INSYN2A: variants seen among roughly 807,000 people sequenced by gnomAD.
INSYN2A encodes family with sequence similarity 196 member A.
INSYN2A carries 17 observed loss-of-function variants against 39.4 expected under a neutral mutation model. The ratio of observed to expected loss-of-function variants is 0.43; its 90% CI spans 0.30 to 0.65. INSYN2A has a LOEUF of 0.65. INSYN2A is among the 30% of genes least tolerant of loss of function. INSYN2A has a pLI of 0.14. For synonymous variants in INSYN2A, 255 were observed against 265.7 expected (o/e 0.96, Z 0.39); for missense variants, 595 against 631.2 (o/e 0.94, Z 0.61).
At chr10:127,174,038 C>T (rs7898602) in intron 4 of INSYN2A, among the ~76,000 whole-genome samples, 11,707 of 152,242 alleles carry the variant, frequency 0.077, 1,269 homozygotes, top group African/African-American at 0.24. Flanking sequence ...CACCTTAAGG[C>T]AGGAGGTGTT....
intron 4 of INSYN2A, among the ~76,000 whole-genome samples, chr10:127,173,318 G>A (rs2054756659): frequency 6.6e-6 from 1 of 152,134 alleles, no homozygotes. Context: ...CCTTGCCCAA[G>A]CCCTCAGTGC....
intron 1 of INSYN2A, among the ~76,000 whole-genome samples, chr10:127,194,879 T>G (rs1182653916): frequency 6.8e-6 from 1 of 147,318 alleles, no homozygotes; most frequent in African/African-American, 2.5e-5. Context: ...TTTCAGCGCC[T>G]AAGCAGACAA....
intron 4 of INSYN2A, among the ~76,000 whole-genome samples, chr10:127,172,756 A>G (rs1240804287): frequency 6.6e-6 from 1 of 152,072 alleles, no homozygotes; most frequent in East Asian, 1.9e-4. Flanking sequence ...GATTGATTTT[A>G]AAGTAAAACC....
chr10:127,164,115 C>T (rs1261584454), intron 4 of INSYN2A, among the ~76,000 whole-genome samples: 10 of 148,802 alleles, frequency 6.7e-5, no homozygotes, highest in Non-Finnish European at 7.4e-5. Flanking sequence ...GCTCCCTCTC[C>T]TCTCTTTCTC....
Position 127,176,400 on chromosome 10 carries a change from C to G in INSYN2A, c.-5G>C. The G allele has an allele frequency of 6.3e-7, 1 of 1,592,640 alleles. No homozygotes were observed. Among genetic ancestry groups the G allele is most frequent in the Non-Finnish European group, 8.5e-7 (1 of 1,170,068 alleles). The stretch of plus-strand genomic sequence containing the variant: ...GCCGGTGTCCTTACTGACCATGGTT[C>G]CTGCATTCAGAAACAGCAACAGAGG... On this transcript the variant is annotated splice_region_variant and 5_prime_UTR_variant, in exon 4 of 6. Coordinates refer to ENST00000522781, the MANE Select transcript of INSYN2A (RefSeq NM_001039762.3). The surrounding 1 kb of genome is among the most constrained non-coding windows in gnomAD (Gnocchi z 4.4).
intron 5 of INSYN2A, among the ~76,000 whole-genome samples, chr10:127,140,981 T>G (rs1244374520): frequency 6.6e-6 from 1 of 152,188 alleles, no homozygotes; most frequent in Admixed American, 6.5e-5. Flanking sequence ...TTCCCCTTCC[T>G]GCTGCCCGGC....
intron 4 of INSYN2A, among the ~76,000 whole-genome samples, chr10:127,173,457 C>T (rs190692323): frequency 7.9e-5 from 12 of 152,272 alleles, no homozygotes; most frequent in African/African-American, 9.6e-5. Flanking sequence ...TGTAAGAAGG[C>T]GCTCCCATAT....
chr10:127,147,288 G>A (rs905566820), intron 5 of INSYN2A, among the ~76,000 whole-genome samples: 2 of 152,132 alleles, frequency 1.3e-5, no homozygotes, highest in African/African-American at 4.8e-5. Context: ...ATCCTTGGGG[G>A]TGCCCTGGCT....
At chr10:127,138,468 A>G (rs773426343) in intron 5 of INSYN2A, among the ~76,000 whole-genome samples, 8 of 152,118 alleles carry the variant, frequency 5.3e-5, no homozygotes, top group Non-Finnish European at 1.2e-4. Flanking sequence ...AGAGAAATCT[A>G]TTTCTCTGAT....
At chr10:127,195,339 G>C (rs1037699218) in intron 1 of INSYN2A, among the ~76,000 whole-genome samples, 1 of 152,294 alleles carries the variant, frequency 6.6e-6, no homozygotes, top group East Asian at 1.9e-4. Flanking sequence ...TCCCACGCCT[G>C]TCCCGGTCTG....
intron 5 of INSYN2A, among the ~76,000 whole-genome samples, chr10:127,142,185 A>C (rs993144007): frequency 6.6e-6 from 1 of 152,202 alleles, no homozygotes; most frequent in Non-Finnish European, 1.5e-5. Context: ...AGGCCACCAG[A>C]CGTGCTGTGT....
intron 1 of INSYN2A, 136 bp downstream of exon 1, chr10:127,195,861 G>C (rs2057094279): frequency 6.6e-6 from 1 of 152,306 alleles, no homozygotes; most frequent in Admixed American, 6.5e-5. Context: ...GAGCCGCCGA[G>C]TTTCCGGCCA....
At chr10:127,155,147 G>T (rs2052914353) in intron 4 of INSYN2A, among the ~76,000 whole-genome samples, 1 of 152,196 alleles carries the variant, frequency 6.6e-6, no homozygotes, top group Admixed American at 6.5e-5. Context: ...TGCACAGAAG[G>T]TCTTCTGTCA....
intron 4 of INSYN2A, among the ~76,000 whole-genome samples, chr10:127,162,128 G>T (rs1433714824): frequency 2.6e-5 from 4 of 152,216 alleles, no homozygotes; most frequent in African/African-American, 9.6e-5. Flanking sequence ...TCTTTCGCCT[G>T]CAGATATATG....
At chr10:127,170,831 A>G (rs1162150571) in intron 4 of INSYN2A, among the ~76,000 whole-genome samples, 2 of 152,238 alleles carry the variant, frequency 1.3e-5, no homozygotes, top group South Asian at 2.1e-4. Context: ...AGACACAAGC[A>G]TAATACTAAG....
At chr10:127,180,962 C>T (rs944395975) in intron 2 of INSYN2A, among the ~76,000 whole-genome samples, 9 of 152,060 alleles carry the variant, frequency 5.9e-5, no homozygotes, top group South Asian at 2.1e-4. Context: ...GGAGGTACAG[C>T]GTCGTTCTGG....
chr10:127,142,571 A>T (rs11016452), intron 5 of INSYN2A, among the ~76,000 whole-genome samples: 3 of 152,304 alleles, frequency 2.0e-5, no homozygotes, highest in Non-Finnish European at 1.5e-5. Context: ...GTTCTGTCCT[A>T]TAAACACCTG....
At chr10:127,186,504 A>ACCC (rs1216809857) in intron 2 of INSYN2A, among the ~76,000 whole-genome samples, 32 of 9,008 alleles carry the variant, frequency 3.6e-3, no homozygotes, top group East Asian at 9.0e-3. Context: ...CATGGGAGAA[A>ACCC]CCGCCCCCCC....
chr10:127,144,523 A>G (rs2051603082), intron 5 of INSYN2A, among the ~76,000 whole-genome samples: 1 of 152,226 alleles, frequency 6.6e-6, no homozygotes, highest in Admixed American at 6.5e-5. Context: ...ATTACAATAA[A>G]CTGATGAACT....
Sources: gnomAD v4.1 joint callset for allele counts (sites outside exome capture counted in the v4.1 genomes callset) on GRCh38, gnomAD v4.1.1 for gene constraint, Gnocchi (gnomAD v3.1) non-coding constraint, MANE v1.5 for transcripts, NCBI Gene and HGNC (gene_info 2026-07-23, HGNC 2026-07-21) for gene names.